Variants in USP12 observed in about 807,000 individuals in gnomAD.
USP12 encodes the protein ubiquitin specific peptidase 12.
In USP12, 19 loss-of-function variants were observed where a neutral mutation model predicts 45.5. The observed-to-expected ratio is 0.42, with a 90% CI of 0.29 to 0.61. The LOEUF (loss-of-function observed/expected upper bound fraction) is 0.61. USP12 is among the 20% of genes least tolerant of loss of function. USP12 has a pLI of 0.22. For missense variants in USP12, 242 were observed against 447.7 expected (o/e 0.54, Z 4.15); for synonymous variants, 149 against 148.8 (o/e 1.00, Z -0.01).
rs564804061 is a variant in USP12, at chr13:27,107,882, A to G, written c.130-1938T>C. Reference sequence around the variant, plus strand: ...GGCAATCATTAAAAAGTCAGGAAACAACAGGTGCTGGAGAGGATGTGGAGA... The same window carrying G: ...GGCAATCATTAAAAAGTCAGGAAACGACAGGTGCTGGAGAGGATGTGGAGA... On this transcript the variant is annotated intron_variant, in intron 2 of 8. Coordinates refer to ENST00000282344, the MANE Select transcript of USP12 (RefSeq NM_182488.4). Among the ~76,000 whole-genome samples the G allele has an allele frequency of 1.4e-3, 218 of 152,196 alleles. 1 individual carries two copies. The highest frequency in any genetic ancestry group is 5.0e-3 in the African/African-American group (207 of 41,526).
chr13:27,120,510 CA>C (rs1333949921), intron 1 of USP12, among the ~76,000 whole-genome samples: 7 of 151,768 alleles, frequency 4.6e-5, no homozygotes, highest in Non-Finnish European at 8.8e-5. Flanking sequence ...AAAAATTAGT[CA>C]GGGGTGGTCG....
At chr13:27,083,261 A>G (rs1467362784) in intron 6 of USP12, among the ~76,000 whole-genome samples, 2 of 152,192 alleles carry the variant, frequency 1.3e-5, no homozygotes, top group Non-Finnish European at 2.9e-5. Flanking sequence ...ATAGTGCAAG[A>G]ATTACCAAAA....
chr13:27,145,299 T>G (rs1451658823), intron 1 of USP12, among the ~76,000 whole-genome samples: 1 of 152,186 alleles, frequency 6.6e-6, no homozygotes, highest in African/African-American at 2.4e-5. Context: ...AGAATCAACT[T>G]TTCTCCATAA....
chr13:27,140,073 A>G (rs1002551026), intron 1 of USP12, among the ~76,000 whole-genome samples: 1 of 152,260 alleles, frequency 6.6e-6, no homozygotes, highest in African/African-American at 2.4e-5. Flanking sequence ...TATGCAACAT[A>G]AAAAGCTATT....
intron 3 of USP12, among the ~76,000 whole-genome samples, chr13:27,099,974 A>T (rs1394129709): frequency 6.6e-6 from 1 of 152,186 alleles, no homozygotes; most frequent in African/African-American, 2.4e-5. Context: ...CACAAGAGAT[A>T]GTAGATCTAA....
intron 2 of USP12, among the ~76,000 whole-genome samples, chr13:27,112,723 C>T (rs1252230047): frequency 6.6e-6 from 1 of 152,198 alleles, no homozygotes; most frequent in African/African-American, 2.4e-5. Flanking sequence ...CCTTTGACAT[C>T]ATGGAACTTG....
chr13:27,135,757 A>G (rs1407416814), intron 1 of USP12, among the ~76,000 whole-genome samples: 1 of 152,206 alleles, frequency 6.6e-6, no homozygotes. Flanking sequence ...GAATATATAA[A>G]TTACAAATCT....
intron 3 of USP12, among the ~76,000 whole-genome samples, chr13:27,104,982 TTAGA>T (rs1483934610): frequency 1.3e-5 from 2 of 152,214 alleles, no homozygotes; most frequent in Non-Finnish European, 2.9e-5. Flanking sequence ...GTGTCCCACA[TTAGA>T]TAGAACACTG....
At chr13:27,074,918 A>G (rs2137754133) in intron 7 of USP12, among the ~76,000 whole-genome samples, 1 of 152,322 alleles carries the variant, frequency 6.6e-6, no homozygotes, top group South Asian at 2.1e-4. Context: ...CCAAAAAAGG[A>G]AAAGAAAAAC....
At chr13:27,081,333 T>C (rs1413046527) in intron 6 of USP12, among the ~76,000 whole-genome samples, 2 of 152,168 alleles carry the variant, frequency 1.3e-5, no homozygotes, top group Non-Finnish European at 2.9e-5. Flanking sequence ...TAACCAGGAG[T>C]AGATTCCATC....
intron 1 of USP12, among the ~76,000 whole-genome samples, chr13:27,163,657 A>C (rs1431186551): frequency 2.6e-5 from 4 of 151,750 alleles, no homozygotes; most frequent in African/African-American, 7.3e-5. Flanking sequence ...AAGAATACAG[A>C]CATAGCCAGG....
rs202032155 is a variant in USP12 at position 27,157,534 on chromosome 13, T to TA, written c.48+14057dup. Among the ~76,000 whole-genome samples the TA allele has an allele frequency of 5.9e-3, 895 of 152,080 alleles. 10 individuals are homozygous for TA. The highest frequency in any genetic ancestry group is 0.02 in the African/African-American group (846 of 41,494). On this transcript the variant is annotated intron_variant, in intron 1 of 8. Coordinates refer to ENST00000282344, the MANE Select transcript of USP12 (RefSeq NM_182488.4). ...TTAACAACATATACATGCCTTTTTTTAAAAAAAATATAAGTTTATAGAAGA... is the reference window on the plus strand; with the variant it reads ...TTAACAACATATACATGCCTTTTTTTAAAAAAAAATATAAGTTTATAGAAGA...
intron 1 of USP12, among the ~76,000 whole-genome samples, chr13:27,150,136 G>A (rs187461969): frequency 6.6e-6 from 1 of 152,284 alleles, no homozygotes; most frequent in East Asian, 1.9e-4. Flanking sequence ...TTGAAGTGAT[G>A]GATATGCTAA....
chr13:27,160,700 T>C (rs567806059), intron 1 of USP12, among the ~76,000 whole-genome samples: 33 of 152,114 alleles, frequency 2.2e-4, no homozygotes, highest in Non-Finnish European at 4.3e-4. Context: ...TTTAAACCTC[T>C]AGGTCCATCA....
chr13:27,113,135 A>G (rs1053737292), intron 2 of USP12, among the ~76,000 whole-genome samples: 2 of 152,050 alleles, frequency 1.3e-5, no homozygotes, highest in African/African-American at 4.8e-5. Flanking sequence ...CTCAGGAGGT[A>G]AAGGCAGGAG....
At chr13:27,135,056 G>A (rs759648218) in intron 1 of USP12, among the ~76,000 whole-genome samples, 1 of 152,110 alleles carries the variant, frequency 6.6e-6, no homozygotes, top group Non-Finnish European at 1.5e-5. Flanking sequence ...AGGACGAGGT[G>A]GGCAAATCCC....
At chr13:27,143,678 C>A (rs561870507) in intron 1 of USP12, among the ~76,000 whole-genome samples, 2 of 152,298 alleles carry the variant, frequency 1.3e-5, no homozygotes, top group Admixed American at 6.5e-5. Flanking sequence ...CAGAGTGATA[C>A]AACTGCCATC....
At chr13:27,162,991 G>T (rs1878178582) in intron 1 of USP12, 1 of 151,982 alleles carries the variant, frequency 6.6e-6, no homozygotes, top group African/African-American at 2.4e-5. Context: ...TGGTTGTTTA[G>T]TTGGCTCTTA....
chr13:27,169,706 T>A (rs1039721487), intron 1 of USP12, among the ~76,000 whole-genome samples: 1 of 152,160 alleles, frequency 6.6e-6, no homozygotes, highest in African/African-American at 2.4e-5. Flanking sequence ...CCCTGGCAAA[T>A]CCCTGTGTCT....
Sources: allele counts gnomAD v4.1 joint callset (sites outside exome capture counted in the v4.1 genomes callset), GRCh38; gene constraint gnomAD v4.1.1; transcripts MANE v1.5; gene names NCBI Gene and HGNC (gene_info 2026-07-23, HGNC 2026-07-21).